The following HUNK variants were observed in gnomAD, a reference collection of about 807,000 sequenced individuals.
HUNK encodes the protein hormonally up-regulated Neu-associated kinase.
Under a neutral mutation model 61.0 loss-of-function variants are expected in HUNK, and 21 were observed. The ratio of observed to expected loss-of-function variants is 0.34; its 90% CI spans 0.24 to 0.50. The LOEUF (loss-of-function observed/expected upper bound fraction) is 0.50, where lower values mean the gene tolerates loss of function less well. Among genes scored for constraint, HUNK ranks in the 20% least tolerant of loss-of-function variants. The pLI is 0.98. For synonymous variants in HUNK, 371 were observed against 386.1 expected (o/e 0.96, Z 0.46); for missense variants, 772 against 945.7 (o/e 0.82, Z 2.41).
intron 1 of HUNK, among the ~76,000 whole-genome samples, chr21:31,899,400 C>T (rs1310409253): frequency 6.6e-6 from 1 of 152,126 alleles, no homozygotes. Flanking sequence ...TGCCTCACTC[C>T]AGTCTCTGCC....
At chr21:31,985,311 G>A (rs2123246138) in intron 8 of HUNK, among the ~76,000 whole-genome samples, 1 of 152,336 alleles carries the variant, frequency 6.6e-6, no homozygotes, top group Non-Finnish European at 1.5e-5. Context: ...GATCCCATGA[G>A]CGGTGCACAT....
chr21:31,932,209 C>T (rs2052703178), intron 2 of HUNK, among the ~76,000 whole-genome samples: 2 of 152,200 alleles, frequency 1.3e-5, no homozygotes, highest in Non-Finnish European at 2.9e-5. Context: ...CTCCTGATTT[C>T]CACTTCCCCA....
At position 31,919,665 on chromosome 21, in the gene HUNK, G is replaced by A. The variant is rs375683909; in HGVS notation, c.262-4803G>A. On this transcript the variant is annotated intron_variant, in intron 1 of 10. Coordinates refer to ENST00000270112, the MANE Select transcript of HUNK (RefSeq NM_014586.2). ...CAAAACCCTGATATGGGCTGGTTCA[G>A]CCCTGGGAGTGGAGCCTGAGAGGGA... 1.2e-4 allele frequency among the ~76,000 whole-genome samples: 18 copies of A among 152,192 alleles called. No homozygotes were observed. In the East Asian group the frequency reaches 1.3e-3, roughly 11 times the overall value.
At position 31,999,064 on chromosome 21, in the gene HUNK, C is replaced by T; in HGVS notation, c.2025C>T (p.Arg675=). 6.2e-7 allele frequency: 1 copy of T among 1,614,226 alleles called. No homozygotes were observed. The highest frequency in any genetic ancestry group is 8.5e-7 in the Non-Finnish European group (1 of 1,180,030). The part of the protein sequence containing the change: ...MMGIGQMLRK[R]HQSLQPSADR... Reference sequence around the variant, plus strand: ...GCATCGGACAGATGTTAAGGAAGCGCCATCAGAGTCTGCAGCCATCTGCAG... The same window carrying T: ...GCATCGGACAGATGTTAAGGAAGCGTCATCAGAGTCTGCAGCCATCTGCAG... Residue 675 remains arginine, a synonymous_variant, in exon 11 of 11, where the codon CGC becomes CGT. Transcript: ENST00000270112.
In HUNK at chr21:31,924,847, G is replaced by T. The variant is rs2052649415; in HGVS notation, c.554+87G>T. On this transcript the variant is annotated intron_variant, in intron 2 of 10. Transcript: ENST00000270112. This position sits in a 1 kb window ranked among gnomAD's most constrained non-coding sequence, Gnocchi z 5.1. ...GGCACCCTCTGAGCCTCTGAGAAAG[G>T]CTGAGCAATTGCAGCCTGTTTTACA... 1 of 1,083,168 alleles carries T rather than the reference G, an allele frequency of 9.2e-7. No homozygotes were observed. The highest frequency in any genetic ancestry group is 2.5e-5 in the Admixed American group (1 of 40,736). 67.1% of individuals were successfully genotyped at this position (1,083,168 alleles called of 1,614,324 possible). A position where few individuals can be genotyped will look rare whatever the true frequency, so the allele number is the denominator to read the frequency against.
At chr21:31,992,562 C>T (rs556367209) in intron 9 of HUNK, among the ~76,000 whole-genome samples, 1 of 152,188 alleles carries the variant, frequency 6.6e-6, no homozygotes, top group Non-Finnish European at 1.5e-5. Flanking sequence ...GAACCGAGAG[C>T]TTGAATTCCA....
Position 31,924,802 on chromosome 21 carries a change from C to T in HUNK, c.554+42C>T, listed in dbSNP as rs374183829. 39 of 1,539,480 alleles carry T rather than the reference C, an allele frequency of 2.5e-5. No individual in the cohort carries two copies. In the African/African-American group the frequency reaches 3.0e-4, roughly 12 times the overall value. ...GCTGGTGATCGCTGACTGTGTGCTC[C>T]GTGGGTGGCACTGGGCTGTGGCACC... On this transcript the variant is annotated intron_variant, in intron 2 of 10. Transcript: ENST00000270112. This position sits in a 1 kb window ranked among gnomAD's most constrained non-coding sequence, Gnocchi z 5.1.
chr21:31,977,694 C>A (rs889069997), intron 7 of HUNK, among the ~76,000 whole-genome samples: 2 of 152,218 alleles, frequency 1.3e-5, no homozygotes, highest in East Asian at 1.9e-4. Context: ...TAAAACCAAA[C>A]CAAAACAAAA....
At chr21:31,946,871 T>C (rs1200781140) in intron 4 of HUNK, among the ~76,000 whole-genome samples, 1 of 152,218 alleles carries the variant, frequency 6.6e-6, no homozygotes, top group Admixed American at 6.5e-5. Flanking sequence ...CGCCTCGGCC[T>C]CCCAAAGTGC....
intron 6 of HUNK, among the ~76,000 whole-genome samples, chr21:31,969,274 A>C: frequency 6.6e-6 from 1 of 152,116 alleles, no homozygotes. Flanking sequence ...TCCCTTTCCA[A>C]ACCACCCTTA....
At chr21:31,900,191 G>A (rs1815502753) in intron 1 of HUNK, among the ~76,000 whole-genome samples, 1 of 152,036 alleles carries the variant, frequency 6.6e-6, no homozygotes, top group South Asian at 2.1e-4. Flanking sequence ...TAATTGCCTA[G>A]AAATGAACTC....
At chr21:31,944,141 G>A (rs1447102886) in intron 3 of HUNK, among the ~76,000 whole-genome samples, 2 of 152,202 alleles carry the variant, frequency 1.3e-5, no homozygotes, top group Non-Finnish European at 2.9e-5. Context: ...GTGCAGTGGC[G>A]CAGTCTTGGC....
intron 4 of HUNK, among the ~76,000 whole-genome samples, chr21:31,957,603 G>A (rs970157251): frequency 6.6e-6 from 1 of 152,144 alleles, no homozygotes; most frequent in African/African-American, 2.4e-5. Context: ...TTGAACACTT[G>A]AGACCTCTTG....
intron 1 of HUNK, among the ~76,000 whole-genome samples, chr21:31,883,651 A>G (rs2052325684): frequency 6.6e-6 from 1 of 152,192 alleles, no homozygotes; most frequent in Admixed American, 6.5e-5. Flanking sequence ...CTAGAGAAGG[A>G]TAATTGATAA....
chr21:31,979,709 G>T (rs1298688718), intron 7 of HUNK, among the ~76,000 whole-genome samples: 2 of 150,976 alleles, frequency 1.3e-5, no homozygotes, highest in Non-Finnish European at 2.9e-5. Context: ...TAGAGACAGG[G>T]TTTCACCGTG....
chr21:31,938,061 C>T (rs1012992587), intron 2 of HUNK, among the ~76,000 whole-genome samples: 1 of 152,216 alleles, frequency 6.6e-6, no homozygotes, highest in Non-Finnish European at 1.5e-5. Context: ...AGCCTTAAGG[C>T]TATTGGCAAC....
At chr21:31,954,952 T>C (rs1282988709) in intron 4 of HUNK, among the ~76,000 whole-genome samples, 1 of 152,010 alleles carries the variant, frequency 6.6e-6, no homozygotes, top group Non-Finnish European at 1.5e-5. Flanking sequence ...CTGGCTAATT[T>C]TGGTATTTTT....
intron 1 of HUNK, among the ~76,000 whole-genome samples, chr21:31,915,912 T>C (rs969969180): frequency 2.6e-5 from 4 of 152,148 alleles, no homozygotes; most frequent in Non-Finnish European, 4.4e-5. Context: ...TTGTTTTCCT[T>C]AGCTGAACTG....
intron 1 of HUNK, among the ~76,000 whole-genome samples, chr21:31,911,406 A>C (rs887729430): frequency 1.3e-5 from 2 of 152,086 alleles, no homozygotes; most frequent in Non-Finnish European, 1.5e-5. Flanking sequence ...TTTCGTCAGG[A>C]TCTTAGAGGT....
Sources: allele counts gnomAD v4.1 joint callset (sites outside exome capture counted in the v4.1 genomes callset), GRCh38; gene constraint gnomAD v4.1.1; non-coding constraint Gnocchi (gnomAD v3.1); transcripts MANE v1.5; gene names NCBI Gene and HGNC (gene_info 2026-07-23, HGNC 2026-07-21).